The following GRID1 variants were observed in gnomAD, a reference collection of about 807,000 sequenced individuals.
GRID1 encodes glutamate receptor ionotropic, delta-1.
In GRID1, 28 loss-of-function variants were observed where a neutral mutation model predicts 98.0. The ratio of observed to expected loss-of-function variants is 0.29; its 90% CI spans 0.21 to 0.39. The LOEUF (loss-of-function observed/expected upper bound fraction) is 0.39. Among genes scored for constraint, GRID1 ranks in the 10% least tolerant of loss-of-function variants. The pLI is 1.00. For synonymous variants in GRID1, 553 were observed against 538.5 expected, an observed-to-expected ratio of 1.03 and a Z score of -0.37; for missense variants, 1,111 against 1,340.5, an observed-to-expected ratio of 0.83 and a Z score of 2.67.
At chr10:86,146,443 T>A (rs1027477756) in intron 3 of GRID1, among the ~76,000 whole-genome samples, 1 of 152,152 alleles carries the variant, frequency 6.6e-6, no homozygotes. Context: ...GCTCCTAATG[T>A]CACCATAGTT....
At chr10:86,237,499 G>A (rs1353458392) in intron 2 of GRID1, among the ~76,000 whole-genome samples, 1 of 152,116 alleles carries the variant, frequency 6.6e-6, no homozygotes, top group East Asian at 1.9e-4. Context: ...AGGAGTTCAA[G>A]ACCAGCCTGG....
At position 86,157,615 on chromosome 10, in the gene GRID1, G is replaced by A. The variant is rs550774109; in HGVS notation, c.521-18591C>T. ...CTCTCCTCCAGGTGCTCACCAGCAGGACCCCTCCCACGGACAGCTTGGAAT... is the reference window on the plus strand; with the variant it reads ...CTCTCCTCCAGGTGCTCACCAGCAGAACCCCTCCCACGGACAGCTTGGAAT... On this transcript the variant is annotated intron_variant, in intron 3 of 15. Transcript: ENST00000327946. Among the ~76,000 whole-genome samples the A allele has an allele frequency of 4.6e-5, 7 of 152,284 alleles. No individual in the cohort carries two copies. The South Asian group carries it at 1.5e-3, about 32-fold the overall frequency.
intron 4 of GRID1, among the ~76,000 whole-genome samples, chr10:86,127,927 C>A (rs1164913273): frequency 6.6e-6 from 1 of 152,182 alleles, no homozygotes; most frequent in Non-Finnish European, 1.5e-5. Context: ...CACCCCTGCA[C>A]CAGGCCCTCT....
chr10:86,038,619 G>C (rs1335954195), intron 4 of GRID1, among the ~76,000 whole-genome samples: 1 of 152,208 alleles, frequency 6.6e-6, no homozygotes, highest in Non-Finnish European at 1.5e-5. Context: ...TCAAGCTCCA[G>C]GCCCCTTTGC....
chr10:86,307,360 T>TA (rs1475506998), intron 2 of GRID1, among the ~76,000 whole-genome samples: 2 of 152,162 alleles, frequency 1.3e-5, no homozygotes, highest in Admixed American at 6.5e-5. Context: ...AATTCAGCCT[T>TA]AAAAAAGAAT....
intron 2 of GRID1, among the ~76,000 whole-genome samples, chr10:86,236,629 C>T (rs61856564): frequency 0.022 from 3,405 of 152,320 alleles, 52 homozygotes; most frequent in Middle Eastern, 0.068. Flanking sequence ...ATCAATGACA[C>T]TAGCTCCAGT....
intron 8 of GRID1, among the ~76,000 whole-genome samples, chr10:85,796,605 T>G (rs1842528512): frequency 6.6e-6 from 1 of 151,990 alleles, no homozygotes; most frequent in African/African-American, 2.4e-5. Context: ...CTAGCCACTC[T>G]GAAAATTAAG....
chr10:86,215,235 G>A (rs147268793), intron 2 of GRID1, among the ~76,000 whole-genome samples: 1 of 152,180 alleles, frequency 6.6e-6, no homozygotes, highest in Non-Finnish European at 1.5e-5. Context: ...AGGCCCAGGG[G>A]AGCAGAGCCG....
chr10:85,621,418 G>C (rs950594241), intron 13 of GRID1, among the ~76,000 whole-genome samples: 3 of 152,190 alleles, frequency 2.0e-5, no homozygotes, highest in African/African-American at 7.2e-5. Context: ...TTTCCAAAGA[G>C]TGTCGTAGCT....
intron 4 of GRID1, among the ~76,000 whole-genome samples, chr10:85,954,428 C>A (rs1351347471): frequency 6.6e-6 from 1 of 152,106 alleles, no homozygotes; most frequent in Non-Finnish European, 1.5e-5. Flanking sequence ...AGGAAATCTT[C>A]AGAAATTAAG....
intron 2 of GRID1, among the ~76,000 whole-genome samples, chr10:86,303,085 T>C (rs964407512): frequency 1.3e-5 from 2 of 152,252 alleles, no homozygotes; most frequent in Non-Finnish European, 2.9e-5. Flanking sequence ...TGGATTGTGT[T>C]AGACTATATT....
intron 2 of GRID1, among the ~76,000 whole-genome samples, chr10:86,247,993 A>G (rs895025153): frequency 6.6e-6 from 1 of 152,192 alleles, no homozygotes; most frequent in Admixed American, 6.5e-5. Context: ...AGATCCCCCC[A>G]CAACCTCCAC....
intron 3 of GRID1, among the ~76,000 whole-genome samples, chr10:86,185,259 T>G (rs1192943943): frequency 6.6e-6 from 1 of 152,104 alleles, no homozygotes; most frequent in Non-Finnish European, 1.5e-5. Context: ...AATAGTATTC[T>G]TCTTTATTTT....
chr10:85,876,780 G>A (rs961123109), intron 5 of GRID1, among the ~76,000 whole-genome samples: 7 of 152,228 alleles, frequency 4.6e-5, no homozygotes, highest in South Asian at 2.1e-4. Context: ...GCAGCGCACC[G>A]TGTGCCAGCC....
intron 4 of GRID1, among the ~76,000 whole-genome samples, chr10:85,959,291 G>T (rs1463678790): frequency 2.6e-5 from 4 of 152,138 alleles, no homozygotes; most frequent in Non-Finnish European, 5.9e-5. Context: ...GCCCTGTCCT[G>T]GCCAAACTGA....
At chr10:86,254,037 C>T (rs1846876675) in intron 2 of GRID1, among the ~76,000 whole-genome samples, 1 of 152,124 alleles carries the variant, frequency 6.6e-6, no homozygotes, top group Admixed American at 6.5e-5. Context: ...CACCGCCACC[C>T]CCTTCCCTTG....
At chr10:85,707,346 C>T (rs1027213814) in intron 12 of GRID1, among the ~76,000 whole-genome samples, 2 of 152,118 alleles carry the variant, frequency 1.3e-5, no homozygotes, top group Admixed American at 6.5e-5. Flanking sequence ...ATTTATGCAG[C>T]CAACAGACAC....
intron 12 of GRID1, among the ~76,000 whole-genome samples, chr10:85,663,993 AG>A: frequency 6.6e-6 from 1 of 152,340 alleles, no homozygotes; most frequent in Non-Finnish European, 1.5e-5. Flanking sequence ...AGAGTATAAA[AG>A]GCACAGTGTC....
At position 85,930,422 on chromosome 10, in the gene GRID1, G is replaced by A. The variant is rs147024554; in HGVS notation, c.727-14183C>T. On this transcript the variant is annotated intron_variant, in intron 4 of 15. Transcript: ENST00000327946. ...TATTATATTATATTTATAATATAAT[G>A]TACTTTTCCAAATGCTCAATGCAAC... is the stretch of plus-strand genomic sequence containing the variant. Among the ~76,000 whole-genome samples, 812 of 150,862 alleles carry A rather than the reference G, an allele frequency of 5.4e-3. 21 individuals are homozygous for A. The highest frequency in any genetic ancestry group is 0.04 in the Admixed American group (607 of 15,116).
Sources: gnomAD v4.1 joint callset for allele counts (sites outside exome capture counted in the v4.1 genomes callset) on GRCh38, gnomAD v4.1.1 for gene constraint, MANE v1.5 for transcripts, NCBI Gene and HGNC (gene_info 2026-07-23, HGNC 2026-07-21) for gene names.